Variants in SHLD2 observed in about 807,000 individuals in gnomAD.
SHLD2 encodes the protein RINN1-REV7-interacting novel NHEJ regulator 2.
SHLD2 carries 30 observed loss-of-function variants against 73.2 expected under a neutral mutation model. That is an observed-to-expected ratio of 0.41 (90% CI 0.31 to 0.56). The LOEUF is 0.56. SHLD2 is among the 20% of genes least tolerant of loss of function. The pLI is 0.28. For synonymous variants in SHLD2, 285 were observed against 370.1 expected (o/e 0.77, Z 2.64); for missense variants, 745 against 1,055.9 (o/e 0.71, Z 4.08).
chr10:87,115,469 G>A (rs944272413), intron 2 of SHLD2: 9 of 152,044 alleles, frequency 5.9e-5, no homozygotes, highest in African/African-American at 1.9e-4. Context: ...AGATAGTGGA[G>A]TGGGTCAGTT....
chr10:87,161,769 C>T (rs1268011663), intron 4 of SHLD2, among the ~76,000 whole-genome samples: 2 of 152,108 alleles, frequency 1.3e-5, no homozygotes, highest in African/African-American at 4.8e-5. Flanking sequence ...GATACTAAAG[C>T]TCATAGGGGA....
intron 2 of SHLD2, among the ~76,000 whole-genome samples, chr10:87,129,085 T>G (rs1332173615): frequency 6.6e-6 from 1 of 151,744 alleles, no homozygotes; most frequent in Non-Finnish European, 1.5e-5. Flanking sequence ...TTTGTTTTTT[T>G]GTTTTGTTTT....
chr10:87,125,070 T>C (rs918874041), intron 2 of SHLD2, among the ~76,000 whole-genome samples: 14 of 152,180 alleles, frequency 9.2e-5, no homozygotes, highest in Non-Finnish European at 1.9e-4. Flanking sequence ...GAAATTAAAT[T>C]AATTGGTTTC....
At chr10:87,097,184 TTTG>T (rs1267040598) in intron 2 of SHLD2, among the ~76,000 whole-genome samples, 195 bp downstream of exon 2, 1 of 152,216 alleles carries the variant, frequency 6.6e-6, no homozygotes, top group Non-Finnish European at 1.5e-5. Flanking sequence ...TTTTATTGTT[TTTG>T]TTGTTCTTTA....
intron 2 of SHLD2, among the ~76,000 whole-genome samples, chr10:87,110,034 T>A (rs1161890250): frequency 6.6e-6 from 1 of 152,150 alleles, no homozygotes; most frequent in Non-Finnish European, 1.5e-5. Context: ...ATGCCTGTAA[T>A]CCCAGCACTT....
intron 7 of SHLD2, among the ~76,000 whole-genome samples, chr10:87,176,432 G>A (rs1368835370): frequency 6.6e-5 from 10 of 152,146 alleles, no homozygotes; most frequent in African/African-American, 2.4e-4. Context: ...TTACAGGCAT[G>A]AGCCACCACA....
intron 2 of SHLD2, among the ~76,000 whole-genome samples, chr10:87,144,775 C>T (rs1357672807): frequency 7.4e-5 from 11 of 148,230 alleles, no homozygotes; most frequent in Non-Finnish European, 1.3e-4. Flanking sequence ...TACAGGCGCC[C>T]GCCACCACGC....
rs1846023671 is a variant in SHLD2, at chr10:87,151,701, C to T, written c.347C>T (p.Thr116Ile). 1.2e-6 allele frequency: 2 copies of T among 1,611,952 alleles called. No homozygotes were observed. The highest frequency in any genetic ancestry group is 1.7e-6 in the Non-Finnish European group (2 of 1,179,808). The part of the protein sequence containing the change: ...KIHSSRLSDI[T>I]SSNMQICGFK... ...CACTCCTCTAGACTGAGTGATATAACTAGCTCTAATATGCAAATATGTGGA... is the reference window on the plus strand; with the variant it reads ...CACTCCTCTAGACTGAGTGATATAATTAGCTCTAATATGCAAATATGTGGA... The change falls in exon 3 of 10, where the codon ACT (threonine) becomes ATT (isoleucine). Residue 116 changes from threonine to isoleucine, a missense_variant. By Grantham distance (89) the Thr-to-Ile change is moderately conservative. Around this residue, in one of 5 missense-constraint regions of SHLD2, gnomAD observed 280 missense variants for 353.9 expected, o/e 0.79. Coordinates refer to ENST00000298786, the MANE Select transcript of SHLD2 (RefSeq NM_001330112.2).
intron 2 of SHLD2, among the ~76,000 whole-genome samples, chr10:87,143,251 C>G (rs1209864001): frequency 2.0e-5 from 3 of 152,056 alleles, no homozygotes; most frequent in Non-Finnish European, 4.4e-5. Context: ...ATTCTGGCCT[C>G]TTGATGTTGC....
chr10:87,173,524 C>T (rs186494839), intron 6 of SHLD2, among the ~76,000 whole-genome samples: 1,865 of 152,056 alleles, frequency 0.012, 7 homozygotes, highest in African/African-American at 0.043. Context: ...ATCTAGCTAA[C>T]AATGTGAGAA....
intron 2 of SHLD2, among the ~76,000 whole-genome samples, chr10:87,112,808 A>T (rs1468351916): frequency 1.3e-5 from 2 of 151,992 alleles, no homozygotes; most frequent in Non-Finnish European, 2.9e-5. Context: ...ACTGATAGGG[A>T]TGTAAAATGA....
intron 2 of SHLD2, among the ~76,000 whole-genome samples, chr10:87,137,277 TAG>T (rs1029641128): frequency 6.6e-6 from 1 of 151,796 alleles, no homozygotes; most frequent in African/African-American, 2.4e-5. Flanking sequence ...GGGATTTCTG[TAG>T]AGTCATGGAA....
chr10:87,105,496 T>C (rs895812959), intron 2 of SHLD2, among the ~76,000 whole-genome samples: 1 of 152,126 alleles, frequency 6.6e-6, no homozygotes, highest in African/African-American at 2.4e-5. Context: ...AGTAAGAAGA[T>C]AGAGATTCCT....
intron 2 of SHLD2, among the ~76,000 whole-genome samples, chr10:87,127,117 T>G (rs2134121808): frequency 6.6e-6 from 1 of 152,084 alleles, no homozygotes; most frequent in Admixed American, 6.6e-5. Context: ...ACTCTATGGA[T>G]TAAATTGCCC....
intron 2 of SHLD2, among the ~76,000 whole-genome samples, chr10:87,135,817 A>T (rs1844763014): frequency 6.6e-6 from 1 of 151,954 alleles, no homozygotes; most frequent in Non-Finnish European, 1.5e-5. Context: ...TTTTCATCAC[A>T]TCATATTAAG....
At chr10:87,134,645 G>A (rs927078826) in intron 2 of SHLD2, among the ~76,000 whole-genome samples, 1 of 152,150 alleles carries the variant, frequency 6.6e-6, no homozygotes, top group African/African-American at 2.4e-5. Context: ...CAGGTATAGG[G>A]CAACCACCCT....
intron 3 of SHLD2, among the ~76,000 whole-genome samples, chr10:87,153,696 A>G (rs1444557489): frequency 3.3e-5 from 5 of 152,040 alleles, no homozygotes; most frequent in African/African-American, 7.2e-5. Context: ...TAGATTTTAC[A>G]TGCATATTTC....
chr10:87,130,050 C>T (rs577512906), intron 2 of SHLD2, among the ~76,000 whole-genome samples: 2 of 151,406 alleles, frequency 1.3e-5, no homozygotes, highest in African/African-American at 4.8e-5. Context: ...TCCGTGTTTC[C>T]TCCAAGTTCC....
Position 87,170,945 on chromosome 10 carries a change from C to A in SHLD2, c.1934C>A (p.Ala645Asp). 1.3e-6 allele frequency: 2 copies of A among 1,575,384 alleles called. No individual in the cohort carries two copies. Among genetic ancestry groups the A allele is most frequent in the South Asian group, 2.2e-5 (2 of 89,578 alleles). Reference protein sequence around the residue: ...YALVLWGPGAAWYPQLQRKKG... With the variant: ...YALVLWGPGADWYPQLQRKKG... ...CTTGTATTATGGGGTCCTGGAGCAGCCTGGTACCCTCAACTTCAAAGGAAA... is the reference window on the plus strand; with the variant it reads ...CTTGTATTATGGGGTCCTGGAGCAGACTGGTACCCTCAACTTCAAAGGAAA... The change falls in exon 6 of 10, where the codon GCC (alanine) becomes GAC (aspartate). Residue 645 changes from alanine to aspartate, a missense_variant. Ala to Asp is a moderately radical substitution (Grantham distance 126). Coordinates refer to ENST00000298786, the MANE Select transcript of SHLD2 (RefSeq NM_001330112.2).
Sources: allele counts gnomAD v4.1 joint callset (sites outside exome capture counted in the v4.1 genomes callset), GRCh38; gene constraint gnomAD v4.1.1; regional missense constraint gnomAD v4.1.1; transcripts MANE v1.5; gene names NCBI Gene and HGNC (gene_info 2026-07-23, HGNC 2026-07-21).